CHKA: variants seen among roughly 807,000 people sequenced by gnomAD.
CHKA encodes CHETK-alpha.
In CHKA, 34 loss-of-function variants were observed where a neutral mutation model predicts 60.1. The ratio of observed to expected loss-of-function variants is 0.57; its 90% CI spans 0.43 to 0.75. CHKA has a LOEUF of 0.75. Ranked by LOEUF, CHKA falls within the 30% of genes least tolerant of loss-of-function variation. The pLI, the probability that CHKA is intolerant of heterozygous loss-of-function variation, is 0.00. For missense variants in CHKA, 563 were observed against 561.3 expected (o/e 1.00, Z -0.03); for synonymous variants, 217 against 223.1 (o/e 0.97, Z 0.24).
intron 8 of CHKA, 33 bp from the exon 9 acceptor site, chr11:68,065,927 AGGCAAAC>A: frequency 6.7e-7 from 1 of 1,486,342 alleles, no homozygotes; most frequent in Non-Finnish European, 9.3e-7. Flanking sequence ...GCACACAATG[AGGCAAAC>A]CGTATGCCTG....
chr11:68,117,731 A>C (rs1477996637), intron 1 of CHKA, among the ~76,000 whole-genome samples: 1 of 152,154 alleles, frequency 6.6e-6, no homozygotes, highest in Non-Finnish European at 1.5e-5. Flanking sequence ...TCAAGTTTAG[A>C]CCATGCAAAC....
intron 2 of CHKA, among the ~76,000 whole-genome samples, chr11:68,089,526 A>G (rs1226056275): frequency 6.6e-6 from 1 of 152,252 alleles, no homozygotes; most frequent in Non-Finnish European, 1.5e-5. Context: ...CAATTAAGTT[A>G]TCAAGTTGAG....
At chr11:68,108,456 A>G (rs1455163975) in intron 1 of CHKA, among the ~76,000 whole-genome samples, 2 of 152,228 alleles carry the variant, frequency 1.3e-5, no homozygotes, top group Non-Finnish European at 2.9e-5. Context: ...TCTTAAAGAA[A>G]TAAGGTGGCT....
At chr11:68,116,882 T>G (rs1188775939) in intron 1 of CHKA, among the ~76,000 whole-genome samples, 2 of 152,186 alleles carry the variant, frequency 1.3e-5, no homozygotes, top group African/African-American at 4.8e-5. Context: ...TATTTTTCCC[T>G]ATACCACTCA....
chr11:68,119,721 G>A (rs1246804001), intron 1 of CHKA, among the ~76,000 whole-genome samples: 1 of 152,034 alleles, frequency 6.6e-6, no homozygotes, highest in Admixed American at 6.6e-5. Context: ...GCCCACCTTG[G>A]CCTCCCAAAG....
intron 11 of CHKA, among the ~76,000 whole-genome samples, chr11:68,060,859 A>G (rs773444918): frequency 2.6e-5 from 4 of 152,096 alleles, no homozygotes; most frequent in Non-Finnish European, 5.9e-5. Context: ...CTTTTACCTA[A>G]TATCATCCTT....
intron 11 of CHKA, among the ~76,000 whole-genome samples, chr11:68,057,819 TTTCTG>T (rs918271220): frequency 6.6e-6 from 1 of 152,226 alleles, no homozygotes; most frequent in African/African-American, 2.4e-5. Flanking sequence ...TACCTTGGCC[TTTCTG>T]TTGAGTACCA....
intron 1 of CHKA, among the ~76,000 whole-genome samples, chr11:68,119,036 TTTTC>T (rs1565198332): frequency 4.6e-5 from 7 of 152,284 alleles, no homozygotes; most frequent in Admixed American, 1.3e-4. Flanking sequence ...CTCCTTTAGG[TTTTC>T]CATTTCACAG....
chr11:68,062,460 TCTCA>T (rs1207860064), intron 10 of CHKA, among the ~76,000 whole-genome samples: 1 of 152,156 alleles, frequency 6.6e-6, no homozygotes, highest in Non-Finnish European at 1.5e-5. Context: ...GGGATGAAGC[TCTCA>T]CTCCTTGAGC....
chr11:68,076,131 C>A (rs1460211423), intron 3 of CHKA, among the ~76,000 whole-genome samples: 2 of 152,230 alleles, frequency 1.3e-5, no homozygotes, highest in East Asian at 3.9e-4. Context: ...TGCCGGTAAT[C>A]CCCCCACAAT....
chr11:68,114,352 G>A (rs1858302454), intron 1 of CHKA, among the ~76,000 whole-genome samples: 1 of 152,202 alleles, frequency 6.6e-6, no homozygotes, highest in South Asian at 2.1e-4. Context: ...GGTATATCCA[G>A]ATGACAGAAT....
Position 68,085,667 on chromosome 11 carries a change from G to A in CHKA, c.463-4210C>T, listed in dbSNP as rs546386974. On this transcript the variant is annotated intron_variant, in intron 2 of 11. Coordinates refer to ENST00000265689, the MANE Select transcript of CHKA (RefSeq NM_001277.3). ...TCTATACTTTAAAAAGTGCTTAAAA[G>A]CGTGTATTATTTTTATAATAAATAC... Among the ~76,000 whole-genome samples, 165 of 152,234 alleles carry A rather than the reference G, an allele frequency of 1.1e-3. 1 individual carries two copies. Among genetic ancestry groups the A allele is most frequent in the African/African-American group, 3.9e-3 (160 of 41,542 alleles).
intron 1 of CHKA, among the ~76,000 whole-genome samples, chr11:68,100,604 CATAAATAA>C (rs71461687): frequency 2.0e-4 from 13 of 65,542 alleles, no homozygotes; most frequent in South Asian, 6.7e-4. Flanking sequence ...TAAATAAATA[CATAAATAA>C]ATAAATAAAT....
intron 1 of CHKA, among the ~76,000 whole-genome samples, chr11:68,098,825 C>G (rs1484684528): frequency 6.6e-6 from 1 of 152,098 alleles, no homozygotes; most frequent in Non-Finnish European, 1.5e-5. Flanking sequence ...CCCCAAGTAG[C>G]TGGGATTACA....
chr11:68,055,025 C>T (rs1855953855), intron 11 of CHKA, among the ~76,000 whole-genome samples: 1 of 152,238 alleles, frequency 6.6e-6, no homozygotes, highest in South Asian at 2.1e-4. Flanking sequence ...GTTCTCAGTA[C>T]ACGGATCTGG....
intron 11 of CHKA, among the ~76,000 whole-genome samples, chr11:68,061,153 C>T (rs932202903): frequency 2.4e-5 from 3 of 122,850 alleles, no homozygotes; most frequent in African/African-American, 9.8e-5. Flanking sequence ...GTCACCCAGG[C>T]TGGAGTGCAG....
chr11:68,077,964 T>C (rs971903891), intron 3 of CHKA, among the ~76,000 whole-genome samples: 3 of 152,152 alleles, frequency 2.0e-5, no homozygotes, highest in Admixed American at 1.3e-4. Context: ...AGCATGAGAT[T>C]GCCGGGTGGA....
chr11:68,104,699 G>A (rs1298928057), intron 1 of CHKA, among the ~76,000 whole-genome samples: 1 of 151,886 alleles, frequency 6.6e-6, no homozygotes, highest in African/African-American at 2.4e-5. Context: ...TGGGATAACA[G>A]GCGTGAGCCA....
intron 11 of CHKA, chr11:68,061,435 A>T (rs1334340176): frequency 4.5e-6 from 1 of 223,186 alleles, no homozygotes. Flanking sequence ...ATTAAATGAC[A>T]GCCTAGCTTG....
Sources: allele counts gnomAD v4.1 joint callset (sites outside exome capture counted in the v4.1 genomes callset), GRCh38; gene constraint gnomAD v4.1.1; transcripts MANE v1.5; gene names NCBI Gene and HGNC (gene_info 2026-07-23, HGNC 2026-07-21).